The following UTP25 variants were observed in gnomAD, a reference collection of about 807,000 sequenced individuals.
UTP25 encodes the protein UTP25 small subunit processome component.
A neutral mutation model predicts 78.9 loss-of-function variants in UTP25; 50 were observed. The observed-to-expected ratio is 0.63, with a 90% CI of 0.50 to 0.80. The LOEUF (loss-of-function observed/expected upper bound fraction) is 0.80. UTP25 is among the 30% of genes least tolerant of loss of function. The pLI is 0.00. For synonymous variants in UTP25, 329 were observed against 336.5 expected, an observed-to-expected ratio of 0.98 and a Z score of 0.24; for missense variants, 846 against 911.3, an observed-to-expected ratio of 0.93 and a Z score of 0.92.
intron 6 of UTP25, 28 bp downstream of exon 6, chr1:209,837,239 C>A: frequency 6.3e-7 from 1 of 1,598,398 alleles, no homozygotes; most frequent in South Asian, 1.1e-5. Context: ...GCTTTGCTCT[C>A]GAGGAGGTGG....
At chr1:209,835,804 A>C (rs745410867) in intron 5 of UTP25, among the ~76,000 whole-genome samples, 6 of 152,186 alleles carry the variant, frequency 3.9e-5, no homozygotes, top group Non-Finnish European at 8.8e-5. Context: ...CAGTGGTGAA[A>C]TCTTGTAGAA....
intron 11 of UTP25, among the ~76,000 whole-genome samples, chr1:209,850,151 T>G (rs928783237): frequency 6.6e-6 from 1 of 152,260 alleles, no homozygotes; most frequent in Non-Finnish European, 1.5e-5. Flanking sequence ...TATCTGACTT[T>G]TTCTTATTGG....
At chr1:209,842,154 T>A in intron 8 of UTP25, 111 bp from the exon 9 acceptor site, 1 of 1,135,288 alleles carries the variant, frequency 8.8e-7, no homozygotes, top group Non-Finnish European at 1.3e-6. Context: ...TTTCTTGTTA[T>A]AATTTAGGAG....
chr1:209,832,888 TATAA>T (rs1016913119), intron 3 of UTP25, among the ~76,000 whole-genome samples: 5 of 152,004 alleles, frequency 3.3e-5, no homozygotes, highest in Admixed American at 6.6e-5. Flanking sequence ...TGTCTCAATA[TATAA>T]ATAAATAAAT....
intron 11 of UTP25, among the ~76,000 whole-genome samples, chr1:209,848,956 T>C (rs2078213766): frequency 6.6e-6 from 1 of 152,148 alleles, no homozygotes; most frequent in African/African-American, 2.4e-5. Flanking sequence ...CTCAAATTCC[T>C]CCAGCAGACA....
intron 6 of UTP25, among the ~76,000 whole-genome samples, chr1:209,838,124 C>T (rs996550927): frequency 2.0e-5 from 3 of 152,168 alleles, no homozygotes; most frequent in Non-Finnish European, 4.4e-5. Context: ...GCTTGAACAT[C>T]AGGGTTATAA....
chr1:209,846,117 GA>G (rs2078195709), intron 11 of UTP25, among the ~76,000 whole-genome samples: 1 of 152,032 alleles, frequency 6.6e-6, no homozygotes, highest in Non-Finnish European at 1.5e-5. Context: ...AGCCTCCCAA[GA>G]AGTGTTGGGG....
At chr1:209,828,711 C>A (rs564269981) in intron 1 of UTP25, among the ~76,000 whole-genome samples, 1 of 145,640 alleles carries the variant, frequency 6.9e-6, no homozygotes, top group East Asian at 2.1e-4. Flanking sequence ...GCTATGGGGG[C>A]GGATTTTTGT....
chr1:209,835,014 G>A, intron 4 of UTP25, 61 bp from the exon 5 acceptor site: 5 of 1,305,590 alleles, frequency 3.8e-6, no homozygotes, highest in Non-Finnish European at 5.5e-6. Context: ...TTTCACAGGG[G>A]AAGACCACAA....
intron 2 of UTP25, 27 bp from the exon 3 acceptor site, chr1:209,830,776 T>A: frequency 6.2e-7 from 1 of 1,607,416 alleles, no homozygotes; most frequent in South Asian, 1.1e-5. Context: ...ATAGTTTTTG[T>A]TCTTAAAATT....
intron 7 of UTP25, among the ~76,000 whole-genome samples, chr1:209,840,218 T>G (rs1038800781): frequency 6.6e-6 from 1 of 152,184 alleles, no homozygotes; most frequent in Non-Finnish European, 1.5e-5. Context: ...TACACATTTG[T>G]GTGAAGGTGA....
intron 3 of UTP25, 48 bp from the exon 4 acceptor site, chr1:209,833,137 T>TA (rs756337319): frequency 6.5e-7 from 1 of 1,549,390 alleles, no homozygotes; most frequent in Non-Finnish European, 8.7e-7. Flanking sequence ...TCAACAGAAG[T>TA]ATAATTTGTG....
chr1:209,836,975 A>AC lies in UTP25; in HGVS notation c.832dup (p.Leu278ProfsTer53), dbSNP rs750214623. 5.0e-6 allele frequency: 8 copies of AC among 1,613,408 alleles called. No homozygotes were observed. Among genetic ancestry groups the AC allele is most frequent in the East Asian group, 2.2e-5 (1 of 44,854 alleles). On this transcript the variant is annotated frameshift_variant, in exon 6 of 12. Coordinates refer to ENST00000491415, the MANE Select transcript of UTP25 (RefSeq NM_014388.7). LOFTEE classifies it high-confidence loss of function. ...TCCCCAAAAATCAAGCAGCCCATTC[A>AC]CCCCCCTCCAGAAAGAACTCTTCTT... is the stretch of plus-strand genomic sequence containing the variant.
chr1:209,848,968 T>A (rs2078213783), intron 11 of UTP25, among the ~76,000 whole-genome samples: 1 of 152,040 alleles, frequency 6.6e-6, no homozygotes, highest in Non-Finnish European at 1.5e-5. Context: ...CAGCAGACAG[T>A]GGGCTTGGTG....
chr1:209,854,459 T>C lies in UTP25; in HGVS notation c.*3012T>C, dbSNP rs1230975965. On this transcript the variant is annotated 3_prime_UTR_variant, in exon 12 of 12. Coordinates refer to ENST00000491415, the MANE Select transcript of UTP25 (RefSeq NM_014388.7). ...AGCCCTCTGCTTGCTTCCAAAGGGC[T>C]TATAATTGAGCACAGATGGTCCTAG... 6.6e-6 allele frequency: 1 copy of C among 152,154 alleles called. No homozygotes were observed. The highest frequency in any genetic ancestry group is 1.5e-5 in the Non-Finnish European group (1 of 68,032). The allele number at this position is 152,154 out of a possible 1,614,324, so 9.4% of individuals were successfully genotyped here.
Position 209,840,863 on chromosome 1 carries a change from A to T in UTP25, c.1293A>T (p.Ile431=). 6.2e-7 allele frequency: 1 copy of T among 1,612,274 alleles called. No individual in the cohort carries two copies. Among genetic ancestry groups the T allele is most frequent in the Non-Finnish European group, 8.5e-7 (1 of 1,179,812 alleles). The change falls in exon 8 of 12, where the codon ATA becomes ATT. Residue 431 remains isoleucine, a synonymous_variant. Coordinates refer to ENST00000491415, the MANE Select transcript of UTP25 (RefSeq NM_014388.7). ...IDDHFRIGVA[I]LQRSIRLYAP... ...GGCTGTTTTGTGTAGGAGTGGCAATACTTCAGAGAAGCATCCGACTCTATG... is the reference window on the plus strand; with the variant it reads ...GGCTGTTTTGTGTAGGAGTGGCAATTCTTCAGAGAAGCATCCGACTCTATG...
intron 5 of UTP25, among the ~76,000 whole-genome samples, 180 bp from the exon 6 acceptor site, chr1:209,836,621 T>C (rs151234588): frequency 1.4e-4 from 22 of 152,282 alleles, no homozygotes; most frequent in Middle Eastern, 3.4e-3. Context: ...AACCTCTGTA[T>C]GAACCTCAGT....
Position 209,842,604 on chromosome 1 carries a change from A to G in UTP25, c.1690A>G (p.Met564Val), listed in dbSNP as rs369185584. 7.4e-6 allele frequency: 12 copies of G among 1,613,882 alleles called. No individual in the cohort carries two copies. Among genetic ancestry groups the G allele is most frequent in the Non-Finnish European group, 8.5e-6 (10 of 1,179,926 alleles). The change falls in exon 10 of 12, where the codon ATG becomes GTG. Residue 564 changes from methionine (M) to valine (V), a missense_variant. Transcript: ENST00000491415. ...QGQVAVRNVPMTGSISHVLVQ... is the reference protein window; with the variant it reads ...QGQVAVRNVPVTGSISHVLVQ... ...GCAGGTGGCCGTGAGGAATGTCCCA[A>G]TGACAGGCTCTATCAGTCATGTCCT... is the stretch of plus-strand genomic sequence containing the variant.
At chr1:209,835,243 C>CAG in intron 5 of UTP25, 80 bp downstream of exon 5, 1 of 1,240,444 alleles carries the variant, frequency 8.1e-7, no homozygotes, top group Middle Eastern at 1.9e-4. Context: ...AGTGGCCTCC[C>CAG]AGAATGTATG....
Sources: allele counts gnomAD v4.1 joint callset (sites outside exome capture counted in the v4.1 genomes callset), GRCh38; gene constraint gnomAD v4.1.1; transcripts MANE v1.5; gene names NCBI Gene and HGNC (gene_info 2026-07-23, HGNC 2026-07-21).